RMDN3: variants seen among roughly 807,000 people sequenced by gnomAD.
RMDN3 encodes regulator of microtubule dynamics protein 3.
In RMDN3, 41 loss-of-function variants were observed where a neutral mutation model predicts 61.8. That is an observed-to-expected ratio of 0.66 (90% CI 0.52 to 0.86). The LOEUF (loss-of-function observed/expected upper bound fraction) is 0.86. Among genes scored for constraint, RMDN3 ranks in the 40% least tolerant of loss-of-function variants. The probability of loss-of-function intolerance (pLI) is 0.00; values close to 1 mark genes in which losing one functional copy is unlikely to be tolerated. For missense variants in RMDN3, 557 were observed against 585.3 expected (o/e 0.95, Z 0.50); for synonymous variants, 247 against 232.0 (o/e 1.06, Z -0.59).
At chr15:40,745,314 G>T in intron 4 of RMDN3, 55 bp from the exon 5 acceptor site, 2 of 1,566,666 alleles carry the variant, frequency 1.3e-6, no homozygotes, top group Admixed American at 1.7e-5. Context: ...GAGCCCCTAG[G>T]GTCTGTCTAT....
chr15:40,742,712 C>T (rs899668069), intron 6 of RMDN3, among the ~76,000 whole-genome samples: 1 of 152,166 alleles, frequency 6.6e-6, no homozygotes, highest in African/African-American at 2.4e-5. Flanking sequence ...GGAGGCCAGA[C>T]CAACCAAGTG....
intron 6 of RMDN3, 60 bp from the exon 7 acceptor site, chr15:40,740,253 G>T (rs1195826485): frequency 1.6e-5 from 19 of 1,154,854 alleles, no homozygotes; most frequent in Non-Finnish European, 2.3e-5. Flanking sequence ...TCATAGGAAG[G>T]CTTGTGGGAA....
At chr15:40,749,118 G>C (rs921102693) in intron 4 of RMDN3, among the ~76,000 whole-genome samples, 2 of 152,136 alleles carry the variant, frequency 1.3e-5, no homozygotes, top group African/African-American at 4.8e-5. Flanking sequence ...TGGCCATCTG[G>C]TCTTGAACTC....
chr15:40,746,627 G>A (rs1232907680), intron 4 of RMDN3, among the ~76,000 whole-genome samples: 7 of 151,940 alleles, frequency 4.6e-5, no homozygotes, highest in African/African-American at 1.7e-4. Flanking sequence ...CCTAATGTCA[G>A]GGCAGAAGTG....
chr15:40,737,003 G>A (rs566007173), intron 12 of RMDN3, 121 bp downstream of exon 12: 46 of 811,198 alleles, frequency 5.7e-5, no homozygotes, highest in Non-Finnish European at 7.5e-5. Flanking sequence ...ATAGGCGTGC[G>A]CCACTAGGCC....
intron 4 of RMDN3, among the ~76,000 whole-genome samples, chr15:40,746,793 G>A (rs1393561263): frequency 6.6e-6 from 1 of 151,538 alleles, no homozygotes; most frequent in East Asian, 1.9e-4. Context: ...TCTACTACAA[G>A]AACTTGTAAG....
chr15:40,739,585 C>T (rs775773436), intron 7 of RMDN3: 1 of 153,382 alleles, frequency 6.5e-6, no homozygotes, highest in African/African-American at 2.4e-5. Flanking sequence ...TGGAACCAGA[C>T]CCCAGGATAT....
chr15:40,739,737 A>G (rs188916102), intron 7 of RMDN3: 17 of 190,174 alleles, frequency 8.9e-5, no homozygotes, highest in Middle Eastern at 4.9e-3. Flanking sequence ...ACATGAACCA[A>G]GCAAAGAAGC....
At chr15:40,742,446 T>C (rs899679473) in intron 6 of RMDN3, among the ~76,000 whole-genome samples, 6 of 152,148 alleles carry the variant, frequency 3.9e-5, no homozygotes, top group Admixed American at 2.0e-4. Context: ...ACTGTCTCAC[T>C]AGGAAAATAA....
intron 7 of RMDN3, 126 bp downstream of exon 7, chr15:40,740,007 C>A: frequency 1.4e-6 from 1 of 696,364 alleles, no homozygotes; most frequent in Non-Finnish European, 2.6e-6. Flanking sequence ...TGTGGAGATA[C>A]AAGCCAGAAC....
Position 40,737,273 on chromosome 15 carries a change from G to C in RMDN3, c.1278+15C>G, listed in dbSNP as rs1244335543. The C allele has an allele frequency of 6.2e-7, 1 of 1,613,260 alleles. No homozygotes were observed. The highest frequency in any genetic ancestry group is 1.1e-5 in the South Asian group (1 of 91,058). On this transcript the variant is annotated intron_variant, in intron 11 of 12. Coordinates refer to ENST00000338376, the MANE Select transcript of RMDN3 (RefSeq NM_018145.3). ...GAGTTCCCAGATCTATGTTGAAGTA[G>C]ACAAATGAGTTTACCTTGGAAATAT...
At position 40,753,939 on chromosome 15, in the gene RMDN3, A is replaced by C. The variant is rs115970596; in HGVS notation, c.187+658T>G. 6.5e-3 allele frequency among the ~76,000 whole-genome samples: 989 copies of C among 152,284 alleles called. 14 individuals are homozygous for C. The highest frequency in any genetic ancestry group is 0.022 in the African/African-American group (935 of 41,564). ...AAGCCTCAAGACTTTTAATCCCTAC[A>C]AGATTATTCTTTTTGCCCTCTTTTG... On this transcript the variant is annotated intron_variant, in intron 2 of 12. Coordinates refer to ENST00000338376, the MANE Select transcript of RMDN3 (RefSeq NM_018145.3).
At chr15:40,743,159 GC>G (rs745702758) in intron 6 of RMDN3, among the ~76,000 whole-genome samples, 14 of 152,310 alleles carry the variant, frequency 9.2e-5, no homozygotes, top group Non-Finnish European at 1.8e-4. Context: ...AGTGGTTTAT[GC>G]CTGTTATCCC....
chr15:40,754,210 G>A (rs1255631716), intron 2 of RMDN3, among the ~76,000 whole-genome samples: 3 of 145,888 alleles, frequency 2.1e-5, no homozygotes, highest in Middle Eastern at 3.7e-3. Flanking sequence ...AGCTCACTGC[G>A]GCCTCCGCCT....
In RMDN3 at chr15:40,755,191, A is replaced by T. The variant is rs550138787; in HGVS notation, c.-116T>A. The T allele has an allele frequency of 5.0e-4, 79 of 158,708 alleles. No individual in the cohort carries two copies. Among genetic ancestry groups the T allele is most frequent in the Non-Finnish European group, 9.8e-4 (71 of 72,406 alleles). The allele number at this position is 158,708 out of a possible 1,614,324, so 9.8% of individuals were successfully genotyped here. A position where few individuals can be genotyped will look rare whatever the true frequency, so the allele number is the denominator to read the frequency against. On this transcript the variant is annotated 5_prime_UTR_variant, in exon 1 of 13. Coordinates refer to ENST00000338376, the MANE Select transcript of RMDN3 (RefSeq NM_018145.3). ...CTGGCCTGGCAGGAGATCCACTCAG[A>T]CCCTTACCCGGCCGCCAGCCACCAT...
intron 4 of RMDN3, among the ~76,000 whole-genome samples, chr15:40,750,971 C>A (rs1254401372): frequency 1.3e-5 from 2 of 152,238 alleles, no homozygotes; most frequent in African/African-American, 4.8e-5. Context: ...GTCAGCCCTC[C>A]TGGGCCACTG....
In RMDN3 at chr15:40,751,973, C is replaced by A; in HGVS notation, c.380+13G>T. ...GGGAGGGATAAAGCAGGAGAAGAAG[C>A]CGCATTACTCACCGGACCTCCCCAA... On this transcript the variant is annotated intron_variant, in intron 3 of 12. Coordinates refer to ENST00000338376, the MANE Select transcript of RMDN3 (RefSeq NM_018145.3). 6.2e-7 allele frequency: 1 copy of A among 1,610,868 alleles called. No homozygotes were observed. Among genetic ancestry groups the A allele is most frequent in the South Asian group, 1.1e-5 (1 of 90,718 alleles).
At position 40,751,462 on chromosome 15, in the gene RMDN3, G is replaced by A. The variant is rs573855739; in HGVS notation, c.488C>T (p.Ser163Leu). 3.7e-6 allele frequency: 6 copies of A among 1,614,170 alleles called. No homozygotes were observed. In the African/African-American group the frequency reaches 4.0e-5, roughly 11 times the overall value. The change falls in exon 4 of 13, where the codon TCG becomes TTG. Residue 163 changes from serine (S) to leucine (L), a missense_variant. Ser to Leu is a moderately radical substitution (Grantham distance 145). Transcript: ENST00000338376. ...GSSSVYFTAS[S>L]GATFTDAESE... ...CTCAGCATCTGTGAACGTGGCTCCC[G>A]AGGAGGCCGTGAAGTAGACAGAGCT...
rs957578151 is a variant in RMDN3 at position 40,755,065 on chromosome 15, T to C, written c.-8+18A>G. On this transcript the variant is annotated intron_variant, in intron 1 of 12. Coordinates refer to ENST00000338376, the MANE Select transcript of RMDN3 (RefSeq NM_018145.3). ...GACCCGGGTCACAGAGTCCGGCTTCTGGGCCTTCAACCCCCACCTCAGCCT... is the reference window on the plus strand; with the variant it reads ...GACCCGGGTCACAGAGTCCGGCTTCCGGGCCTTCAACCCCCACCTCAGCCT... 2.1e-5 allele frequency: 8 copies of C among 387,786 alleles called. No individual in the cohort carries two copies. Among genetic ancestry groups the C allele is most frequent in the African/African-American group, 1.7e-4 (8 of 48,324 alleles). The allele number at this position is 387,786 out of a possible 1,614,324, so 24.0% of individuals were successfully genotyped here.
Sources: gnomAD v4.1 joint callset for allele counts (sites outside exome capture counted in the v4.1 genomes callset) on GRCh38, gnomAD v4.1.1 for gene constraint, MANE v1.5 for transcripts, NCBI Gene and HGNC (gene_info 2026-07-23, HGNC 2026-07-21) for gene names.